TENM3: variants seen among roughly 807,000 people sequenced by gnomAD.
TENM3 encodes the protein teneurin transmembrane protein 3, also known as teneurin-3.
In TENM3, 63 loss-of-function variants were observed where a neutral mutation model predicts 255.1. The ratio of observed to expected loss-of-function variants is 0.25; its 90% confidence interval spans 0.20 to 0.30. The LOEUF is 0.30. Ranked by LOEUF, TENM3 falls within the 10% of genes least tolerant of loss-of-function variation. The probability of loss-of-function intolerance (pLI) is 1.00; values close to 1 mark genes in which losing one functional copy is unlikely to be tolerated. For missense variants in TENM3, 2,929 were observed against 3,461.1 expected (o/e 0.85, Z 3.86); for synonymous variants, 1,306 against 1,322.3 (o/e 0.99, Z 0.27).
At chr4:182,263,022 C>G (rs542375271) in intron 1 of TENM3, among the ~76,000 whole-genome samples, 5 of 152,176 alleles carry the variant, frequency 3.3e-5, no homozygotes, top group African/African-American at 1.2e-4. Flanking sequence ...GTGGACTCGC[C>G]CTGAATTCTT....
the TENM3 span, among the ~76,000 whole-genome samples, chr4:181,568,256 T>C: frequency 6.0e-5 from 9 of 151,132 alleles, no homozygotes; most frequent in Admixed American, 4.0e-4. Context: ...CTCTGCCTCC[T>C]GGGTTCAAGT....
the TENM3 span, among the ~76,000 whole-genome samples, chr4:181,957,382 C>T: frequency 6.6e-6 from 1 of 152,130 alleles, no homozygotes; most frequent in South Asian, 2.1e-4. Context: ...GGGGGCGGAT[C>T]ACAAAGTACA....
At chr4:182,387,433 A>G (rs1380709651) in intron 3 of TENM3, among the ~76,000 whole-genome samples, 1 of 152,176 alleles carries the variant, frequency 6.6e-6, no homozygotes, top group Non-Finnish European at 1.5e-5. Context: ...CAGCGCCCTG[A>G]CAAAATAGGC....
chr4:181,853,810 C>G, the TENM3 span, among the ~76,000 whole-genome samples: 1 of 152,244 alleles, frequency 6.6e-6, no homozygotes, highest in Non-Finnish European at 1.5e-5. Flanking sequence ...CTCTGCCCAG[C>G]ATGCTGTAGT....
At chr4:182,407,398 A>G (rs985719725) in intron 3 of TENM3, among the ~76,000 whole-genome samples, 2 of 152,250 alleles carry the variant, frequency 1.3e-5, no homozygotes, top group African/African-American at 4.8e-5. Flanking sequence ...AAGTATGTCA[A>G]AATAACATAT....
chr4:182,373,416 G>A (rs1766976824), intron 3 of TENM3, among the ~76,000 whole-genome samples: 1 of 152,192 alleles, frequency 6.6e-6, no homozygotes, highest in Non-Finnish European at 1.5e-5. Context: ...AAGAAGCATG[G>A]CGCCAACATC....
chr4:182,305,293 G>C (rs1203934511), intron 1 of TENM3, among the ~76,000 whole-genome samples: 5 of 152,140 alleles, frequency 3.3e-5, no homozygotes. Context: ...GACAGCTTTT[G>C]TTTCTTTATC....
the TENM3 span, among the ~76,000 whole-genome samples, chr4:181,866,399 G>A: frequency 6.6e-6 from 1 of 152,308 alleles, no homozygotes; most frequent in East Asian, 1.9e-4. Context: ...TGTAGATACT[G>A]CCTTGCTTTG....
chr4:182,017,762 C>T, the TENM3 span, among the ~76,000 whole-genome samples: 1 of 152,096 alleles, frequency 6.6e-6, no homozygotes, highest in Non-Finnish European at 1.5e-5. Context: ...TAGTATTGAT[C>T]GGCATAACAG....
the TENM3 span, among the ~76,000 whole-genome samples, chr4:181,599,492 C>A: frequency 6.6e-6 from 1 of 152,212 alleles, no homozygotes. Flanking sequence ...ACACTGAACA[C>A]AACTTATCAG....
At chr4:181,730,879 CAAGAT>C in the TENM3 span, among the ~76,000 whole-genome samples, 1 of 152,096 alleles carries the variant, frequency 6.6e-6, no homozygotes, top group Admixed American at 6.6e-5. Flanking sequence ...ATATGTTTCA[CAAGAT>C]AAGATCGGCA....
chr4:181,822,769 T>C, the TENM3 span, among the ~76,000 whole-genome samples: 4 of 152,166 alleles, frequency 2.6e-5, no homozygotes, highest in African/African-American at 9.7e-5. Context: ...GCATCCACTA[T>C]TGGCAATTTT....
intron 1 of TENM3, among the ~76,000 whole-genome samples, chr4:182,252,099 C>T (rs760473864): frequency 2.0e-5 from 3 of 151,880 alleles, no homozygotes; most frequent in Non-Finnish European, 4.4e-5. Flanking sequence ...AGGAGAATTG[C>T]TTGAACCCAA....
chr4:182,469,433 G>A (rs973529400), intron 3 of TENM3, among the ~76,000 whole-genome samples: 2 of 152,124 alleles, frequency 1.3e-5, no homozygotes, highest in African/African-American at 4.8e-5. Flanking sequence ...AAGAGATTTA[G>A]GCCAAGCACG....
At chr4:182,617,961 T>G (rs191801006) in intron 4 of TENM3, among the ~76,000 whole-genome samples, 155 of 152,262 alleles carry the variant, frequency 1.0e-3, no homozygotes, top group Non-Finnish European at 1.9e-3. Context: ...CTAATAAAAG[T>G]TTCAACAGTG....
At chr4:181,997,184 T>C in the TENM3 span, among the ~76,000 whole-genome samples, 1 of 152,206 alleles carries the variant, frequency 6.6e-6, no homozygotes, top group Middle Eastern at 3.2e-3. Context: ...TCATGGACTT[T>C]CTAACATCTC....
intron 3 of TENM3, among the ~76,000 whole-genome samples, chr4:182,544,227 T>G (rs568124876): frequency 1.3e-5 from 2 of 152,202 alleles, no homozygotes; most frequent in African/African-American, 4.8e-5. Flanking sequence ...CTATTCTGTG[T>G]TTTCTCGCCT....
chr4:181,449,586 C>G, the TENM3 span, among the ~76,000 whole-genome samples: 1 of 152,108 alleles, frequency 6.6e-6, no homozygotes, highest in African/African-American at 2.4e-5. Context: ...GAGTTCGAGA[C>G]CAGCCTGGCC....
intron 4 of TENM3, among the ~76,000 whole-genome samples, chr4:182,604,651 C>G (rs760605487): frequency 7.2e-5 from 11 of 152,122 alleles, no homozygotes; most frequent in Non-Finnish European, 1.5e-4. Flanking sequence ...CCTGCAAGTT[C>G]CTCATTTATA....
Sources: allele counts gnomAD v4.1 joint callset (sites outside exome capture counted in the v4.1 genomes callset), GRCh38; gene constraint gnomAD v4.1.1; transcripts MANE v1.5; gene names NCBI Gene and HGNC (gene_info 2026-07-23, HGNC 2026-07-21).